The following GP1BA variants were observed in gnomAD, a reference collection of about 807,000 sequenced individuals.
The protein encoded by GP1BA is platelet glycoprotein Ib alpha chain.
Under a neutral mutation model 5.6 loss-of-function variants are expected in GP1BA, and 3 were observed. The observed-to-expected ratio is 0.53, with a 90% confidence interval of 0.24 to 1.38. GP1BA has a LOEUF of 1.38. Among genes scored for constraint, GP1BA ranks in the 40% most tolerant of loss-of-function variants. GP1BA has a pLI of 0.16. For missense variants in GP1BA, 707 were observed against 801.4 expected (o/e 0.88, Z 1.42); for synonymous variants, 323 against 358.3 (o/e 0.90, Z 1.11).
At position 4,933,793 on chromosome 17, in the gene GP1BA, C is replaced by T; in HGVS notation, c.1189C>T (p.Pro397Ser). 1.9e-6 allele frequency: 3 copies of T among 1,612,928 alleles called. No homozygotes were observed. The highest frequency in any genetic ancestry group is 2.5e-6 in the Non-Finnish European group (3 of 1,179,618). The change falls in exon 2 of 2, where the codon CCA becomes TCA. Residue 397 changes from proline to serine, a missense_variant. By Grantham distance (74) the Pro-to-Ser change is moderately conservative. Transcript: ENST00000329125. ...CTCAGAGCCCGTCCCGGAGCCCGCC[C>T]CAAACATGACCACCCTGGAGCCCAC... ...TTSEPVPEPA[P>S]NMTTLEPTPS...
At position 4,933,768 on chromosome 17, in the gene GP1BA, C is replaced by T; in HGVS notation, c.1164C>T (p.Thr388=). 1 of 1,613,806 alleles carries T rather than the reference C, an allele frequency of 6.2e-7. No homozygotes were observed. Among genetic ancestry groups the T allele is most frequent in the Non-Finnish European group, 8.5e-7 (1 of 1,179,804 alleles). The change falls in exon 2 of 2, where the codon ACC becomes ACT. Residue 388 remains threonine, a synonymous_variant. Coordinates refer to ENST00000329125, the MANE Select transcript of GP1BA (RefSeq NM_000173.7). The part of the protein sequence containing the change: ...STTEPTPSPT[T]SEPVPEPAPN... Reference sequence around the variant, plus strand: ...CTGAACCAACCCCAAGCCCGACCACCTCAGAGCCCGTCCCGGAGCCCGCCC... The same window carrying T: ...CTGAACCAACCCCAAGCCCGACCACTTCAGAGCCCGTCCCGGAGCCCGCCC...
At position 4,932,802 on chromosome 17, in the gene GP1BA, C is replaced by T. The variant is rs542182223; in HGVS notation, c.198C>T (p.Thr66=). Residue 66 remains threonine, a synonymous_variant, in exon 2 of 2, where the codon ACC becomes ACT. Transcript: ENST00000329125. This position sits in a 1 kb window ranked among gnomAD's most constrained non-coding sequence, Gnocchi z 4.8. ...ENLLYTFSLA[T]LMPYTRLTQL... ...TCCTGTACACCTTCTCCCTGGCAAC[C>T]CTGATGCCTTACACTCGCCTCACTC... 6.2e-6 allele frequency: 10 copies of T among 1,613,986 alleles called. No homozygotes were observed. Among genetic ancestry groups the T allele is most frequent in the South Asian group, 5.5e-5 (5 of 91,088 alleles).
rs2243093 is a variant in GP1BA at position 4,932,600 on chromosome 17, T to C, written c.-5T>C. On this transcript the variant is annotated splice_region_variant and 5_prime_UTR_variant, in exon 2 of 2. Transcript: ENST00000329125. This position sits in a 1 kb window ranked among gnomAD's most constrained non-coding sequence, Gnocchi z 4.8. Reference sequence around the variant, plus strand: ...CACTCAAGGCTCCCTTGCCCACAGGTCCTCATGCCTCTCCTCCTCTTGCTG... The same window carrying C: ...CACTCAAGGCTCCCTTGCCCACAGGCCCTCATGCCTCTCCTCCTCTTGCTG... The C allele has an allele frequency of 0.14, 224,044 of 1,610,520 alleles. 16,697 individuals carry two copies. The highest frequency in any genetic ancestry group is 0.27 in the East Asian group (11,878 of 44,776).
Position 4,933,307 on chromosome 17 carries a change from T to C in GP1BA, c.703T>C (p.Trp235Arg). 1 of 1,614,010 alleles carries C rather than the reference T, an allele frequency of 6.2e-7. No homozygotes were observed. The highest frequency in any genetic ancestry group is 8.5e-7 in the Non-Finnish European group (1 of 1,179,900). Residue 235 changes from tryptophan to arginine, a missense_variant, in exon 2 of 2, where the codon TGG becomes CGG. Trp to Arg is a moderately radical substitution (Grantham distance 101). This residue lies in a region of GP1BA where 442 missense variants were observed against 498.8 expected (regional missense o/e 0.89). Coordinates refer to ENST00000329125, the MANE Select transcript of GP1BA (RefSeq NM_000173.7). ...CNCEILYFRR[W>R]LQDNAENVYV... ...CTGTGAGATCCTCTATTTTCGTCGC[T>C]GGCTGCAGGACAATGCTGAAAATGT...
Position 4,934,198 on chromosome 17 carries a change from G to T in GP1BA, c.1594G>T (p.Gly532Cys), listed in dbSNP as rs754761846. 6 of 1,613,528 alleles carry T rather than the reference G, an allele frequency of 3.7e-6. No individual in the cohort carries two copies. The Admixed American group carries it at 8.3e-5, about 22-fold the overall frequency. ...HPDFCCLLPL[G>C]FYVLGLFWLL... ...CGACTTTTGCTGCCTCCTCCCCCTG[G>T]GCTTCTATGTCTTGGGTCTCTTCTG... is the stretch of plus-strand genomic sequence containing the variant. Residue 532 changes from glycine to cysteine, a missense_variant, in exon 2 of 2, where the codon GGC (glycine) becomes TGC (cysteine). Physicochemically the swap from Gly to Cys is radical, Grantham distance 159 (BLOSUM62 -3). Around this residue, in one of 3 missense-constraint regions of GP1BA, gnomAD observed 247 missense variants for 246.6 expected, o/e 1.00. Transcript: ENST00000329125.
chr17:4,932,938 G>A lies in GP1BA; in HGVS notation c.334G>A (p.Gly112Arg), dbSNP rs373756376. 4.0e-5 allele frequency: 65 copies of A among 1,613,966 alleles called. No individual in the cohort carries two copies. In the African/African-American group the frequency reaches 7.9e-4, roughly 20 times the overall value. Residue 112 changes from glycine (G) to arginine (R), a missense_variant, in exon 2 of 2, where the codon GGG becomes AGG. Coordinates refer to ENST00000329125, the MANE Select transcript of GP1BA (RefSeq NM_000173.7). The surrounding 1 kb of genome is among the most constrained non-coding windows in gnomAD (Gnocchi z 4.8). Reference protein sequence around the residue: ...HNQLQSLPLLGQTLPALTVLD... With the variant: ...HNQLQSLPLLRQTLPALTVLD... ...TCAGCTGCAAAGCCTGCCCTTGCTA[G>A]GGCAGACACTGCCTGCTCTCACCGT...
In GP1BA at chr17:4,932,468, AT is replaced by A; in HGVS notation, c.-7+104del. ...TAAGTTCTGCAGGCAAGGGTGGGAG[AT>A]GGGAGTAGGGAGGACAGGAGGTGTG... On this transcript the variant is annotated intron_variant, in intron 1 of 1. Transcript: ENST00000329125. This position sits in a 1 kb window ranked among gnomAD's most constrained non-coding sequence, Gnocchi z 4.8. The A allele has an allele frequency of 7.8e-7, 1 of 1,278,588 alleles. No homozygotes were observed. Among genetic ancestry groups the A allele is most frequent in the East Asian group, 2.6e-5 (1 of 38,432 alleles). The allele number at this position is 1,278,588 out of a possible 1,614,324, so 79.2% of individuals were successfully genotyped here. A position where few individuals can be genotyped will look rare whatever the true frequency, so the allele number is the denominator to read the frequency against.
rs1480092797 is a variant in GP1BA, at chr17:4,934,656, T to TC, written c.*93_*94insC. On this transcript the variant is annotated 3_prime_UTR_variant, in exon 2 of 2. Transcript: ENST00000329125. ...TGGAGGGGTAAGGAACACAGGGTGA[T>TC]AGGGAGGGGTCTTAGTTCCTTTTTC... 240 of 1,096,910 alleles carry TC rather than the reference T, an allele frequency of 2.2e-4. 1 individual carries two copies. Among genetic ancestry groups the TC allele is most frequent in the Admixed American group, 3.2e-4 (11 of 34,730 alleles). The allele number at this position is 1,096,910 out of a possible 1,614,324, so 67.9% of individuals were successfully genotyped here.
rs778476210 is a variant in GP1BA, at chr17:4,933,639, A to G, written c.1035A>G (p.Thr345=). The G allele has an allele frequency of 5.6e-6, 9 of 1,613,764 alleles. No homozygotes were observed. The Admixed American group carries it at 1.3e-4, about 24-fold the overall frequency. Residue 345 remains threonine, a synonymous_variant, in exon 2 of 2, where the codon ACA becomes ACG. Transcript: ENST00000329125. ...AAATGCCCTCCTCCTTGCATCCAAC[A>G]CAAGAATCCACTAAGGAGCAGACCA... is the stretch of plus-strand genomic sequence containing the variant. ...DSQMPSSLHP[T]QESTKEQTTF...
Position 4,934,765 on chromosome 17 carries a change from G to A in GP1BA, c.*202G>A, listed in dbSNP as rs970418583. The A allele has an allele frequency of 2.5e-5, 16 of 630,270 alleles. No homozygotes were observed. Among genetic ancestry groups the A allele is most frequent in the African/African-American group, 9.2e-5 (5 of 54,140 alleles). The allele number at this position is 630,270 out of a possible 1,614,324, so 39.0% of individuals were successfully genotyped here. A position where few individuals can be genotyped will look rare whatever the true frequency, so the allele number is the denominator to read the frequency against. On this transcript the variant is annotated 3_prime_UTR_variant, in exon 2 of 2. Coordinates refer to ENST00000329125, the MANE Select transcript of GP1BA (RefSeq NM_000173.7). ...GAAGGGGTAATGACATGGACTTGGC[G>A]GGGGGACAAGACAAAGCTCCCGATG...
In GP1BA at chr17:4,933,159, T is replaced by C. The variant is rs1970368412; in HGVS notation, c.555T>C (p.Asn185=). The change falls in exon 2 of 2, where the codon AAT becomes AAC. Residue 185 remains asparagine (N), a synonymous_variant. Coordinates refer to ENST00000329125, the MANE Select transcript of GP1BA (RefSeq NM_000173.7). ...CTGAGCTCCCCGCTGGGCTCCTGAA[T>C]GGGCTGGAGAATCTCGACACCCTTC... The part of the protein sequence containing the change: ...NLTELPAGLL[N]GLENLDTLLL... 1 of 1,613,938 alleles carries C rather than the reference T, an allele frequency of 6.2e-7. No homozygotes were observed. The highest frequency in any genetic ancestry group is 8.5e-7 in the Non-Finnish European group (1 of 1,179,832).
chr17:4,932,609 C>G lies in GP1BA; in HGVS notation c.5C>G (p.Pro2Arg), dbSNP rs1389659030. 2 of 1,612,886 alleles carry G rather than the reference C, an allele frequency of 1.2e-6. No individual in the cohort carries two copies. Among genetic ancestry groups the G allele is most frequent in the East Asian group, 2.2e-5 (1 of 44,868 alleles). Residue 2 changes from proline to arginine, a missense_variant, in exon 2 of 2, where the codon CCT becomes CGT. Transcript: ENST00000329125. This position sits in a 1 kb window ranked among gnomAD's most constrained non-coding sequence, Gnocchi z 4.8. ...CTCCCTTGCCCACAGGTCCTCATGC[C>G]TCTCCTCCTCTTGCTGCTCCTGCTG... MPLLLLLLLLPS... is the reference protein window; with the variant it reads MRLLLLLLLLPS...
chr17:4,932,288 G>C lies in GP1BA; in HGVS notation c.-84G>C, dbSNP rs1031555641. 7 of 1,191,830 alleles carry C rather than the reference G, an allele frequency of 5.9e-6. No individual in the cohort carries two copies. The highest frequency in any genetic ancestry group is 7.3e-6 in the Non-Finnish European group (7 of 952,870). The allele number at this position is 1,191,830 out of a possible 1,614,324, so 73.8% of individuals were successfully genotyped here. On this transcript the variant is annotated 5_prime_UTR_variant, in exon 1 of 2. Transcript: ENST00000329125. The surrounding 1 kb of genome is among the most constrained non-coding windows in gnomAD (Gnocchi z 4.8). ...CTTGCCACTGGCTTAGTCCTCCATGGGGCTAGAAGAGAGAAGGACGGAGTC... is the reference window on the plus strand; with the variant it reads ...CTTGCCACTGGCTTAGTCCTCCATGCGGCTAGAAGAGAGAAGGACGGAGTC...
rs2151108974 is a variant in GP1BA, at chr17:4,935,014, T to A, written c.*451T>A. 5.3e-6 allele frequency: 1 copy of A among 189,748 alleles called. No individual in the cohort carries two copies. The highest frequency in any genetic ancestry group is 5.4e-5 in the Admixed American group (1 of 18,484). 11.8% of individuals were successfully genotyped at this position (189,748 alleles called of 1,614,324 possible). A position where few individuals can be genotyped will look rare whatever the true frequency, so the allele number is the denominator to read the frequency against. On this transcript the variant is annotated 3_prime_UTR_variant, in exon 2 of 2. Coordinates refer to ENST00000329125, the MANE Select transcript of GP1BA (RefSeq NM_000173.7). ...TGTATATTATCTGTATAATAAAAAATAATTTTAGGGTTGGGAGTGATGGCT... is the reference window on the plus strand; with the variant it reads ...TGTATATTATCTGTATAATAAAAAAAAATTTTAGGGTTGGGAGTGATGGCT...
Position 4,934,578 on chromosome 17 carries a change from G to C in GP1BA, c.*15G>C. 1.2e-6 allele frequency: 2 copies of C among 1,612,758 alleles called. No individual in the cohort carries two copies. The highest frequency in any genetic ancestry group is 1.7e-5 in the Admixed American group (1 of 59,698). On this transcript the variant is annotated 3_prime_UTR_variant, in exon 2 of 2. Coordinates refer to ENST00000329125, the MANE Select transcript of GP1BA (RefSeq NM_000173.7). ...ACAGCCTCTGAGGGTGGGAGGTTTG[G>C]GGACCTTGAGAGAAGAGCCTGTGGG...
rs754452405 is a variant in GP1BA, at chr17:4,933,625, T to C, written c.1021T>C (p.Ser341Pro). 5 of 1,613,890 alleles carry C rather than the reference T, an allele frequency of 3.1e-6. No individual in the cohort carries two copies. The South Asian group carries it at 3.3e-5, about 11-fold the overall frequency. The change falls in exon 2 of 2, where the codon TCC becomes CCC. Residue 341 changes from serine to proline, a missense_variant. By Grantham distance (74) the Ser-to-Pro change is moderately conservative. Around this residue, in one of 3 missense-constraint regions of GP1BA, gnomAD observed 442 missense variants for 498.8 expected, o/e 0.89. Transcript: ENST00000329125. ...TTCTCTAGACAGCCAAATGCCCTCC[T>C]CCTTGCATCCAACACAAGAATCCAC... is the stretch of plus-strand genomic sequence containing the variant. The part of the protein sequence containing the change: ...TASLDSQMPS[S>P]LHPTQESTKE...
Position 4,933,720 on chromosome 17 carries a change from C to T in GP1BA, c.1116C>T (p.Phe372=), listed in dbSNP as rs371918202. ...NFTLHMESIT[F]SKTPKSTTEP... ...CACTTCACATGGAATCCATCACATT[C>T]TCCAAAACTCCAAAATCCACTACTG... Residue 372 remains phenylalanine (F), a synonymous_variant, in exon 2 of 2, where the codon TTC becomes TTT. Transcript: ENST00000329125. The T allele has an allele frequency of 6.4e-5, 104 of 1,613,824 alleles. No homozygotes were observed. Among genetic ancestry groups the T allele is most frequent in the Non-Finnish European group, 7.8e-5 (92 of 1,179,888 alleles).
chr17:4,932,531 G>A lies in GP1BA; in HGVS notation c.-6-68G>A. ...TGGAAGCGAAGCTGCAGGGGGAAGGGGGCTGGGGCCTGGGGGGATGCTTCC... is the reference window on the plus strand; with the variant it reads ...TGGAAGCGAAGCTGCAGGGGGAAGGAGGCTGGGGCCTGGGGGGATGCTTCC... On this transcript the variant is annotated intron_variant, in intron 1 of 1. Transcript: ENST00000329125. The surrounding 1 kb of genome is among the most constrained non-coding windows in gnomAD (Gnocchi z 4.8). 1 of 1,475,300 alleles carries A rather than the reference G, an allele frequency of 6.8e-7. No homozygotes were observed. Among genetic ancestry groups the A allele is most frequent in the African/African-American group, 1.4e-5 (1 of 71,460 alleles). 91.4% of individuals were successfully genotyped at this position (1,475,300 alleles called of 1,614,324 possible). A position where few individuals can be genotyped will look rare whatever the true frequency, so the allele number is the denominator to read the frequency against.
rs1970356952 is a variant in GP1BA, at chr17:4,932,592, C to T, written c.-6-7C>T. On this transcript the variant is annotated splice_polypyrimidine_tract_variant and splice_region_variant and intron_variant, in intron 1 of 1. Transcript: ENST00000329125. This position sits in a 1 kb window ranked among gnomAD's most constrained non-coding sequence, Gnocchi z 4.8. ...GGGGGATCCACTCAAGGCTCCCTTG[C>T]CCACAGGTCCTCATGCCTCTCCTCC... 1.9e-6 allele frequency: 3 copies of T among 1,608,880 alleles called. No homozygotes were observed. The highest frequency in any genetic ancestry group is 1.6e-4 in the Middle Eastern group (1 of 6,072).
Sources: allele counts gnomAD v4.1 joint callset, GRCh38; gene constraint gnomAD v4.1.1; regional missense constraint gnomAD v4.1.1; non-coding constraint Gnocchi (gnomAD v3.1); transcripts MANE v1.5; gene names NCBI Gene and HGNC (gene_info 2026-07-23, HGNC 2026-07-21).